Variants in PDE1C observed in about 807,000 individuals in gnomAD.
The protein encoded by PDE1C is phosphodiesterase 1C.
A neutral mutation model predicts 93.1 loss-of-function variants in PDE1C; 62 were observed. That is an observed-to-expected ratio of 0.67 (90% CI 0.54 to 0.82). The LOEUF (loss-of-function observed/expected upper bound fraction) is 0.82, where lower values mean the gene tolerates loss of function less well. Ranked by LOEUF, PDE1C falls within the 40% of genes least tolerant of loss-of-function variation. PDE1C has a pLI of 0.00. For missense variants in PDE1C, 742 were observed against 884.6 expected (o/e 0.84, Z 2.04); for synonymous variants, 325 against 310.1 (o/e 1.05, Z -0.50).
the PDE1C span, chr7:31,642,178 G>A: frequency 6.4e-7 from 1 of 1,558,296 alleles, no homozygotes; most frequent in South Asian, 1.2e-5. Context: ...TTCTGCAGGT[G>A]CCAGGGTGGA....
At chr7:32,294,010 G>A (rs1272559545) in intron 1 of PDE1C, among the ~76,000 whole-genome samples, 1 of 152,178 alleles carries the variant, frequency 6.6e-6, no homozygotes, top group East Asian at 1.9e-4. Flanking sequence ...GCCAGGGCTG[G>A]AGAGTGGGCC....
At chr7:32,391,303 A>C (rs571230464) in intron 1 of PDE1C, among the ~76,000 whole-genome samples, 5 of 152,336 alleles carry the variant, frequency 3.3e-5, no homozygotes, top group East Asian at 1.9e-4. Flanking sequence ...AATCAAGAAG[A>C]TATAGCAATT....
chr7:32,366,524 C>T (rs1422808029), intron 1 of PDE1C, among the ~76,000 whole-genome samples: 1 of 152,034 alleles, frequency 6.6e-6, no homozygotes, highest in Non-Finnish European at 1.5e-5. Context: ...AGCTGAAAAC[C>T]TCCCAGGCCT....
chr7:32,178,596 G>A (rs1279506169), intron 2 of PDE1C, among the ~76,000 whole-genome samples: 1 of 152,102 alleles, frequency 6.6e-6, no homozygotes, highest in African/African-American at 2.4e-5. Context: ...CAAAAATAAT[G>A]CAGCTCAGGT....
chr7:32,159,087 C>T (rs757673377), intron 3 of PDE1C, among the ~76,000 whole-genome samples: 1 of 152,124 alleles, frequency 6.6e-6, no homozygotes, highest in Non-Finnish European at 1.5e-5. Flanking sequence ...ATATATGCAT[C>T]GATCTCTGTG....
chr7:31,708,223 G>A, the PDE1C span: 1 of 152,198 alleles, frequency 6.6e-6, no homozygotes, highest in East Asian at 1.9e-4. Context: ...TGCAATCTGT[G>A]GATGCCCAGG....
chr7:31,983,161 C>T (rs1222487538), intron 2 of PDE1C, among the ~76,000 whole-genome samples: 4 of 152,192 alleles, frequency 2.6e-5, no homozygotes, highest in African/African-American at 9.7e-5. Context: ...GTACAAATTG[C>T]TCCAGGGCTA....
intron 2 of PDE1C, among the ~76,000 whole-genome samples, chr7:31,957,682 C>T (rs1455815011): frequency 6.6e-6 from 1 of 152,146 alleles, no homozygotes; most frequent in African/African-American, 2.4e-5. Flanking sequence ...TGCAGCATTG[C>T]ATACACTGGT....
chr7:31,762,237 C>T (rs186150565), intron 17 of PDE1C, among the ~76,000 whole-genome samples: 7 of 152,320 alleles, frequency 4.6e-5, no homozygotes, highest in East Asian at 1.9e-4. Context: ...AAATTACTTT[C>T]GTGCCATGTG....
intron 3 of PDE1C, among the ~76,000 whole-genome samples, chr7:32,164,416 C>T (rs1488419346): frequency 2.0e-5 from 3 of 152,204 alleles, no homozygotes; most frequent in East Asian, 3.8e-4. Context: ...TAACCAATCA[C>T]ACCATATCTT....
intron 1 of PDE1C, among the ~76,000 whole-genome samples, chr7:32,246,754 G>C (rs10447632): frequency 0.16 from 24,956 of 152,066 alleles, 2,236 homozygotes; most frequent in East Asian, 0.29. Context: ...ATGTTTCCTC[G>C]GATATAAATG....
chr7:31,778,216 C>T (rs957246794), intron 16 of PDE1C, among the ~76,000 whole-genome samples: 4 of 152,134 alleles, frequency 2.6e-5, no homozygotes, highest in African/African-American at 9.7e-5. Context: ...AGTGGATGCC[C>T]GTCGCATTGT....
Position 32,147,331 on chromosome 7 carries a change from A to G in PDE1C, c.308+22454T>C, listed in dbSNP as rs188828541. Among the ~76,000 whole-genome samples the G allele has an allele frequency of 1.9e-3, 276 of 146,796 alleles. 2 individuals carry two copies. The highest frequency in any genetic ancestry group is 7.5e-3 in the Middle Eastern group (2 of 266). On this transcript the variant is annotated intron_variant, in intron 3 of 18. Transcript: ENST00000396193. Reference sequence around the variant, plus strand: ...AAGAAAGAAAGAAAGAAAGAAAGAAAGACGCTGTTTGTAGGTATGCTTTGT... The same window carrying G: ...AAGAAAGAAAGAAAGAAAGAAAGAAGGACGCTGTTTGTAGGTATGCTTTGT...
At chr7:31,930,931 C>T (rs1244640789) in intron 2 of PDE1C, among the ~76,000 whole-genome samples, 1 of 142,286 alleles carries the variant, frequency 7.0e-6, no homozygotes, top group East Asian at 2.3e-4. Context: ...GCTTGTTCAA[C>T]ATATGAAAAT....
At chr7:32,357,065 G>A (rs1302369457) in intron 1 of PDE1C, among the ~76,000 whole-genome samples, 1 of 152,220 alleles carries the variant, frequency 6.6e-6, no homozygotes, top group Non-Finnish European at 1.5e-5. Context: ...CGGGCTCAGT[G>A]GCTCATGCCT....
chr7:31,741,826 C>G, the PDE1C span, among the ~76,000 whole-genome samples: 3 of 152,206 alleles, frequency 2.0e-5, no homozygotes, highest in Admixed American at 2.0e-4. Context: ...GCTGTGGCTG[C>G]AGAAGATACT....
intron 2 of PDE1C, among the ~76,000 whole-genome samples, chr7:32,007,704 T>A (rs1169930089): frequency 1.3e-5 from 2 of 152,200 alleles, no homozygotes; most frequent in Non-Finnish European, 2.9e-5. Flanking sequence ...GCACAACTAG[T>A]CATTCCACGT....
chr7:32,155,648 A>G (rs1010100620), intron 3 of PDE1C, among the ~76,000 whole-genome samples: 1 of 152,194 alleles, frequency 6.6e-6, no homozygotes, highest in Admixed American at 6.5e-5. Flanking sequence ...GAATCATATC[A>G]CTTGCAAATT....
Position 32,212,296 on chromosome 7 carries a change from C to T in PDE1C, c.86-2757G>A, listed in dbSNP as rs75086600. ...AGCAATAGCCACATCTTCACTCAGC[C>T]GGGCCCTCCCTGCCCACCACCCTAT... On this transcript the variant is annotated intron_variant, in intron 1 of 18. Transcript: ENST00000396193. Among the ~76,000 whole-genome samples, 659 of 152,196 alleles carry T rather than the reference C, an allele frequency of 4.3e-3. 8 individuals are homozygous for T. Among genetic ancestry groups the T allele is most frequent in the African/African-American group, 0.015 (637 of 41,502 alleles).
Sources: allele counts gnomAD v4.1 joint callset (sites outside exome capture counted in the v4.1 genomes callset), GRCh38; gene constraint gnomAD v4.1.1; transcripts MANE v1.5; gene names NCBI Gene and HGNC (gene_info 2026-07-23, HGNC 2026-07-21).